AGTPBP1: variants seen among roughly 807,000 people sequenced by gnomAD.
AGTPBP1 encodes ATP/GTP binding carboxypeptidase 1, also known as cytosolic carboxypeptidase 1.
Under a neutral mutation model 143.9 loss-of-function variants are expected in AGTPBP1, and 70 were observed. That is an observed-to-expected ratio of 0.49 (90% confidence interval 0.40 to 0.59). AGTPBP1 has a LOEUF of 0.59. Among genes scored for constraint, AGTPBP1 ranks in the 20% least tolerant of loss-of-function variants. AGTPBP1 has a pLI of 0.00. For synonymous variants in AGTPBP1, 463 were observed against 500.2 expected (o/e 0.93, Z 0.99); for missense variants, 1,229 against 1,464.5 (o/e 0.84, Z 2.62).
At chr9:85,731,210 C>T (rs1262652343) in intron 1 of AGTPBP1, among the ~76,000 whole-genome samples, 2 of 152,178 alleles carry the variant, frequency 1.3e-5, no homozygotes, top group African/African-American at 2.4e-5. Context: ...TTAACTTCAT[C>T]TTAAAGTACT....
intron 1 of AGTPBP1, among the ~76,000 whole-genome samples, chr9:85,735,876 A>G (rs1420625220): frequency 6.6e-6 from 1 of 152,150 alleles, no homozygotes; most frequent in East Asian, 1.9e-4. Context: ...TTTAATCCCT[A>G]TATAACCAAT....
At chr9:85,664,474 AT>A (rs1834020299) in intron 8 of AGTPBP1, among the ~76,000 whole-genome samples, 1 of 152,138 alleles carries the variant, frequency 6.6e-6, no homozygotes. Flanking sequence ...AAATTAAAAC[AT>A]TTTTATGGGA....
chr9:85,657,399 G>T, intron 10 of AGTPBP1, 36 bp downstream of exon 10: 1 of 1,507,094 alleles, frequency 6.6e-7, no homozygotes, highest in Non-Finnish European at 9.1e-7. Flanking sequence ...CATATTATTA[G>T]TACATAATCA....
chr9:85,618,856 T>C, intron 17 of AGTPBP1, 127 bp downstream of exon 17: 1 of 1,036,812 alleles, frequency 9.6e-7, no homozygotes, highest in Non-Finnish European at 1.4e-6. Context: ...AATATCTGAA[T>C]TTTGAGAACT....
chr9:85,735,349 T>C (rs1410066837), intron 1 of AGTPBP1, among the ~76,000 whole-genome samples: 3 of 151,912 alleles, frequency 2.0e-5, no homozygotes, highest in African/African-American at 4.8e-5. Flanking sequence ...CAACAGAAAA[T>C]AGAACAGTGC....
At position 85,563,207 on chromosome 9, in the gene AGTPBP1, CAT is replaced by C. The variant is rs1166245041; in HGVS notation, c.3503+12106_3503+12107del. On this transcript the variant is annotated intron_variant, in intron 25 of 25. Coordinates refer to ENST00000357081, the MANE Select transcript of AGTPBP1 (RefSeq NM_001330701.2). Reference sequence around the variant, plus strand: ...GAACTGGGGGTGCTATTGTAACAAACATGTAAAAATGTGGCAGCAGTTTTGGA... The same window carrying C: ...GAACTGGGGGTGCTATTGTAACAAACGTAAAAATGTGGCAGCAGTTTTGGA... 7.2e-5 allele frequency among the ~76,000 whole-genome samples: 11 copies of C among 152,216 alleles called. 1 individual carries two copies. The Middle Eastern group carries it at 0.024, about 329-fold the overall frequency.
intron 8 of AGTPBP1, among the ~76,000 whole-genome samples, chr9:85,668,983 G>A (rs1047964646): frequency 6.0e-4 from 51 of 84,500 alleles, no homozygotes; most frequent in African/African-American, 1.4e-3. Flanking sequence ...GTGTGTGTGT[G>A]TGTGTGTGTG....
the AGTPBP1 span, among the ~76,000 whole-genome samples, chr9:85,795,221 A>G: frequency 1.3e-5 from 2 of 152,164 alleles, no homozygotes; most frequent in Non-Finnish European, 2.9e-5. Context: ...ATAGTATGAG[A>G]TCTTTCCTAT....
At chr9:85,627,822 C>T (rs1490790044) in intron 14 of AGTPBP1, among the ~76,000 whole-genome samples, 4 of 152,182 alleles carry the variant, frequency 2.6e-5, no homozygotes, top group African/African-American at 9.6e-5. Context: ...ATTTTCTTTT[C>T]TCTAACTTAC....
the AGTPBP1 span, among the ~76,000 whole-genome samples, chr9:85,804,807 C>T: frequency 6.6e-6 from 1 of 152,208 alleles, no homozygotes; most frequent in Non-Finnish European, 1.5e-5. Context: ...AGTTATTTTC[C>T]TTACAGAGAT....
chr9:85,769,533 A>AAAAAAAAG, the AGTPBP1 span, among the ~76,000 whole-genome samples: 2 of 151,566 alleles, frequency 1.3e-5, no homozygotes, highest in Admixed American at 6.6e-5. Context: ...AAAAAAAAAA[A>AAAAAAAAG]AAAAAAAGAA....
chr9:85,728,797 A>T (rs1838689816), intron 1 of AGTPBP1, among the ~76,000 whole-genome samples: 1 of 151,534 alleles, frequency 6.6e-6, no homozygotes, highest in Non-Finnish European at 1.5e-5. Flanking sequence ...AAGTTGGCTT[A>T]TTTCAAAATC....
the AGTPBP1 span, chr9:85,756,351 G>A: frequency 1.6e-3 from 2,097 of 1,299,980 alleles, 33 homozygotes; most frequent in African/African-American, 0.029. Context: ...ATGTGTGGGA[G>A]GAGGTGGAGA....
At chr9:85,796,349 G>A in the AGTPBP1 span, among the ~76,000 whole-genome samples, 1 of 152,172 alleles carries the variant, frequency 6.6e-6, no homozygotes, top group Non-Finnish European at 1.5e-5. Flanking sequence ...GGTTTAATAT[G>A]TTAACTCTTG....
At chr9:85,657,183 A>AC (rs1833569820) in intron 10 of AGTPBP1, among the ~76,000 whole-genome samples, 1 of 120,500 alleles carries the variant, frequency 8.3e-6, no homozygotes, top group African/African-American at 3.5e-5. Flanking sequence ...AAGTATAATA[A>AC]TAAAAAAAAA....
intron 2 of AGTPBP1, among the ~76,000 whole-genome samples, chr9:85,696,465 C>T (rs1836247346): frequency 6.6e-6 from 1 of 151,886 alleles, no homozygotes; most frequent in Non-Finnish European, 1.5e-5. Flanking sequence ...GTCGAGAGCT[C>T]GAGACCAGCC....
intron 17 of AGTPBP1, among the ~76,000 whole-genome samples, chr9:85,605,755 TTAAAG>T (rs915385489): frequency 2.6e-5 from 4 of 152,114 alleles, no homozygotes; most frequent in East Asian, 1.9e-4. Flanking sequence ...AGGGATCAAA[TTAAAG>T]TATAGAGTTT....
chr9:85,636,735 A>G (rs1469108843), intron 13 of AGTPBP1, among the ~76,000 whole-genome samples: 1 of 152,106 alleles, frequency 6.6e-6, no homozygotes, highest in African/African-American at 2.4e-5. Flanking sequence ...TTAGAATTGC[A>G]AAAGAGGGAG....
chr9:85,749,093 C>T, the AGTPBP1 span, among the ~76,000 whole-genome samples: 1 of 148,518 alleles, frequency 6.7e-6, no homozygotes. Context: ...GCCTTGGGCT[C>T]AAGCGATCCT....
Sources: gnomAD v4.1 joint callset for allele counts (sites outside exome capture counted in the v4.1 genomes callset) on GRCh38, gnomAD v4.1.1 for gene constraint, MANE v1.5 for transcripts, NCBI Gene and HGNC (gene_info 2026-07-23, HGNC 2026-07-21) for gene names.